Variants in AGMO observed in about 807,000 individuals in gnomAD.
AGMO encodes glyceryl-ether monooxygenase.
Under a neutral mutation model 60.2 loss-of-function variants are expected in AGMO, and 75 were observed. That is an observed-to-expected ratio of 1.25 (90% CI 1.03 to 1.51). The LOEUF is 1.51. Among genes scored for constraint, AGMO ranks in the 40% most tolerant of loss-of-function variants. The probability of loss-of-function intolerance (pLI) is 0.00; values close to 1 mark genes in which losing one functional copy is unlikely to be tolerated. For synonymous variants in AGMO, 261 were observed against 177.1 expected, an observed-to-expected ratio of 1.47 and a Z score of -3.76; for missense variants, 763 against 525.5, an observed-to-expected ratio of 1.45 and a Z score of -4.42.
At chr7:15,476,564 G>C (rs746223268) in intron 3 of AGMO, among the ~76,000 whole-genome samples, 1 of 151,910 alleles carries the variant, frequency 6.6e-6, no homozygotes. Flanking sequence ...ATACAATCTG[G>C]GTTTGTGGTG....
At chr7:15,221,980 TAG>T (rs1781937561) in intron 12 of AGMO, among the ~76,000 whole-genome samples, 1 of 152,086 alleles carries the variant, frequency 6.6e-6, no homozygotes, top group African/African-American at 2.4e-5. Context: ...ACAAAACATA[TAG>T]AGTGTTTACA....
At chr7:15,337,961 C>A (rs563644299) in intron 12 of AGMO, among the ~76,000 whole-genome samples, 90 of 152,212 alleles carry the variant, frequency 5.9e-4, no homozygotes, top group African/African-American at 1.9e-3. Context: ...AATAGGTGAT[C>A]TGGGGTTGTA....
intron 3 of AGMO, among the ~76,000 whole-genome samples, chr7:15,514,322 C>T (rs971197679): frequency 2.0e-5 from 3 of 152,066 alleles, no homozygotes; most frequent in Admixed American, 1.3e-4. Context: ...CTAATTCTTA[C>T]GGATTCTGGA....
intron 12 of AGMO, among the ~76,000 whole-genome samples, chr7:15,317,567 C>T (rs886894233): frequency 6.6e-6 from 1 of 151,924 alleles, no homozygotes; most frequent in African/African-American, 2.4e-5. Flanking sequence ...AAATTTCTTA[C>T]CATTTTAAAC....
intron 12 of AGMO, among the ~76,000 whole-genome samples, chr7:15,230,261 T>A (rs1012900623): frequency 6.6e-6 from 1 of 152,184 alleles, no homozygotes; most frequent in South Asian, 2.1e-4. Flanking sequence ...AAAGCCCTTT[T>A]TCTTAGCAAG....
chr7:15,333,772 T>C (rs1001018636), intron 12 of AGMO, among the ~76,000 whole-genome samples: 16 of 152,080 alleles, frequency 1.1e-4, no homozygotes, highest in African/African-American at 3.9e-4. Context: ...CAATCAGTGA[T>C]TCCCAACATG....
At chr7:15,132,291 C>A in the AGMO span, among the ~76,000 whole-genome samples, 1 of 152,266 alleles carries the variant, frequency 6.6e-6, no homozygotes. Flanking sequence ...ATATTTCAGG[C>A]ACTACTCTCA....
At chr7:15,514,201 T>C (rs1317666367) in intron 3 of AGMO, among the ~76,000 whole-genome samples, 2 of 152,174 alleles carry the variant, frequency 1.3e-5, no homozygotes, top group Non-Finnish European at 2.9e-5. Flanking sequence ...TCCTGGCTTA[T>C]AAAATCTACT....
chr7:15,441,232 A>C (rs1781545691), intron 3 of AGMO, among the ~76,000 whole-genome samples: 1 of 152,232 alleles, frequency 6.6e-6, no homozygotes, highest in Admixed American at 6.5e-5. Flanking sequence ...TCCTGTACAT[A>C]GGAAAACTGT....
At chr7:15,386,997 T>C (rs900493178) in intron 9 of AGMO, among the ~76,000 whole-genome samples, 6 of 152,312 alleles carry the variant, frequency 3.9e-5, no homozygotes, top group African/African-American at 1.2e-4. Flanking sequence ...ATACATCTGT[T>C]CTGGGGGCCT....
intron 12 of AGMO, among the ~76,000 whole-genome samples, chr7:15,332,188 C>G (rs980197825): frequency 6.6e-6 from 1 of 152,116 alleles, no homozygotes; most frequent in East Asian, 1.9e-4. Context: ...CAGTAATACT[C>G]TGGAGTTTAT....
At chr7:15,322,593 AATAT>A (rs1182851054) in intron 12 of AGMO, among the ~76,000 whole-genome samples, 2 of 25,174 alleles carry the variant, frequency 7.9e-5, no homozygotes, top group African/African-American at 2.1e-4. Flanking sequence ...TAAATATATA[AATAT>A]ATATAAATAT....
At chr7:15,547,147 A>C (rs377316563) in intron 2 of AGMO, among the ~76,000 whole-genome samples, 1 of 140,714 alleles carries the variant, frequency 7.1e-6, no homozygotes, top group South Asian at 2.2e-4. Flanking sequence ...GTATTCCAGC[A>C]TTGCTGTTCT....
At chr7:15,518,134 G>A (rs1783873115) in intron 3 of AGMO, among the ~76,000 whole-genome samples, 2 of 152,100 alleles carry the variant, frequency 1.3e-5, no homozygotes, top group South Asian at 2.1e-4. Context: ...CTGTGGGCAG[G>A]GCATCTCCGA....
At chr7:15,463,665 A>C (rs1213176541) in intron 3 of AGMO, among the ~76,000 whole-genome samples, 1 of 152,076 alleles carries the variant, frequency 6.6e-6, no homozygotes, top group Non-Finnish European at 1.5e-5. Flanking sequence ...GTACTGCTTG[A>C]GCCAGTGCAT....
chr7:15,335,808 G>T (rs907731153), intron 12 of AGMO, among the ~76,000 whole-genome samples: 2 of 152,126 alleles, frequency 1.3e-5, no homozygotes, highest in African/African-American at 2.4e-5. Context: ...TTCAGTTGTG[G>T]TTTCAGTAGC....
chr7:15,304,559 G>C (rs773231148), intron 12 of AGMO, among the ~76,000 whole-genome samples: 1 of 152,016 alleles, frequency 6.6e-6, no homozygotes, highest in Non-Finnish European at 1.5e-5. Flanking sequence ...GGAAAGATTT[G>C]GGTTTGTCAA....
chr7:15,414,129 T>G (rs1363676044), intron 5 of AGMO, among the ~76,000 whole-genome samples: 2 of 152,006 alleles, frequency 1.3e-5, no homozygotes, highest in Non-Finnish European at 2.9e-5. Flanking sequence ...TGCCTCAGCC[T>G]CCCAGGTAGA....
At chr7:15,199,845 G>A (rs774327742), downstream of AGMO, among the ~76,000 whole-genome samples, 5 of 152,166 alleles carry the variant, frequency 3.3e-5, no homozygotes, top group Non-Finnish European at 7.4e-5. Flanking sequence ...TGATACTTGA[G>A]ATAGAATGTG....
Sources: gnomAD v4.1 joint callset for allele counts (sites outside exome capture counted in the v4.1 genomes callset) on GRCh38, gnomAD v4.1.1 for gene constraint, MANE v1.5 for transcripts, NCBI Gene and HGNC (gene_info 2026-07-23, HGNC 2026-07-21) for gene names.